Variants in MANBA observed in about 807,000 individuals in gnomAD.
MANBA encodes the protein beta-mannosidase.
MANBA carries 83 observed loss-of-function variants against 111.1 expected under a neutral mutation model. That is an observed-to-expected ratio of 0.75 (90% CI 0.63 to 0.90). The LOEUF (loss-of-function observed/expected upper bound fraction) is 0.90, where lower values mean the gene tolerates loss of function less well. MANBA is among the 40% of genes least tolerant of loss of function. The probability of loss-of-function intolerance (pLI) is 0.00; values close to 1 mark genes in which losing one functional copy is unlikely to be tolerated. For missense variants in MANBA, 1,036 were observed against 1,069.0 expected, an observed-to-expected ratio of 0.97 and a Z score of 0.43; for synonymous variants, 370 against 378.7, an observed-to-expected ratio of 0.98 and a Z score of 0.27.
At chr4:102,644,656 A>G (rs991478249) in intron 13 of MANBA, among the ~76,000 whole-genome samples, 2 of 152,126 alleles carry the variant, frequency 1.3e-5, no homozygotes, top group African/African-American at 4.8e-5. Flanking sequence ...TGAATACAAA[A>G]TTTCAATTAG....
intron 4 of MANBA, 21 bp from the exon 5 acceptor site, chr4:102,714,582 A>G: frequency 6.2e-7 from 1 of 1,602,866 alleles, no homozygotes; most frequent in Non-Finnish European, 8.5e-7. Context: ...AAGGAGAAAA[A>G]GAAGATATAT....
At position 102,631,344 on chromosome 4, in the gene MANBA, T is replaced by C. The variant is rs1354697142; in HGVS notation, c.*713A>G. 1 of 161,166 alleles carries C rather than the reference T, an allele frequency of 6.2e-6. No individual in the cohort carries two copies. The highest frequency in any genetic ancestry group is 1.8e-4 in the East Asian group (1 of 5,670). The allele number at this position is 161,166 out of a possible 1,614,324, so 10.0% of individuals were successfully genotyped here. A position where few individuals can be genotyped will look rare whatever the true frequency, so the allele number is the denominator to read the frequency against. ...CATGACTGTTTCCAGAGAAAACCTT[T>C]CACATGTCTTAGTTTAGATTCTTCA... On this transcript the variant is annotated 3_prime_UTR_variant, in exon 17 of 17. Transcript: ENST00000647097.
intron 10 of MANBA, chr4:102,665,182 AC>A: frequency 3.8e-6 from 1 of 264,208 alleles, no homozygotes; most frequent in South Asian, 4.4e-5. Context: ...CACAAAGAAA[AC>A]TTTCAGGAAA....
intron 2 of MANBA, among the ~76,000 whole-genome samples, chr4:102,725,943 C>A (rs1722776407): frequency 6.6e-6 from 1 of 152,048 alleles, no homozygotes. Flanking sequence ...GGGGGAAAAT[C>A]AATTGGATAT....
chr4:102,737,385 A>G (rs78140487), intron 1 of MANBA, among the ~76,000 whole-genome samples: 2,158 of 152,228 alleles, frequency 0.014, 49 homozygotes, highest in African/African-American at 0.047. Context: ...CTGGATAGGA[A>G]CTGATATAAA....
At chr4:102,633,571 T>G (rs1729482113) in intron 16 of MANBA, 1 of 397,208 alleles carries the variant, frequency 2.5e-6, no homozygotes. Context: ...AAACATTAAC[T>G]AACAGTATTA....
At chr4:102,715,902 C>T (rs1404913354) in intron 4 of MANBA, among the ~76,000 whole-genome samples, 2 of 152,190 alleles carry the variant, frequency 1.3e-5, no homozygotes, top group African/African-American at 4.8e-5. Context: ...ATGCTTACTA[C>T]ATTGAAGCAA....
At chr4:102,632,659 A>G (rs1729444340) in intron 16 of MANBA, among the ~76,000 whole-genome samples, 1 of 152,248 alleles carries the variant, frequency 6.6e-6, no homozygotes, top group Non-Finnish European at 1.5e-5. Flanking sequence ...ACCTAGCTAC[A>G]GAGCCCAACT....
chr4:102,714,498 C>G lies in MANBA; in HGVS notation c.613G>C (p.Val205Leu). 8.7e-6 allele frequency: 14 copies of G among 1,603,940 alleles called. No individual in the cohort carries two copies. Among genetic ancestry groups the G allele is most frequent in the Non-Finnish European group, 1.1e-5 (13 of 1,170,756 alleles). Residue 205 changes from valine to leucine, a missense_variant, in exon 5 of 17, where the codon GTT becomes CTT. Physicochemically the swap from Val to Leu is conservative, Grantham distance 32. Transcript: ENST00000647097. ...SFPTQGIWKDVRIEAYNICHL... is the reference protein window; with the variant it reads ...SFPTQGIWKDLRIEAYNICHL... ...CAAATATTATAGGCTTCAATTCTAA[C>G]ATCTTTCCAGATTCCCTGGGTAGGA...
intron 11 of MANBA, among the ~76,000 whole-genome samples, chr4:102,659,784 C>T (rs1170068748): frequency 1.3e-5 from 2 of 152,160 alleles, no homozygotes; most frequent in Non-Finnish European, 2.9e-5. Flanking sequence ...TATTCCCTCT[C>T]AGGTGTGCAA....
intron 1 of MANBA, among the ~76,000 whole-genome samples, chr4:102,740,883 T>C (rs989906271): frequency 6.6e-6 from 1 of 151,990 alleles, no homozygotes; most frequent in Non-Finnish European, 1.5e-5. Flanking sequence ...CTTCTAGACA[T>C]TGGTTTAGGC....
intron 5 of MANBA, among the ~76,000 whole-genome samples, chr4:102,707,620 G>A (rs1484288491): frequency 6.6e-6 from 1 of 152,096 alleles, no homozygotes; most frequent in Non-Finnish European, 1.5e-5. Flanking sequence ...ACAACCAGAA[G>A]TCAATTAATA....
intron 14 of MANBA, 121 bp downstream of exon 14, chr4:102,639,592 T>C: frequency 7.4e-7 from 1 of 1,346,480 alleles, no homozygotes; most frequent in Non-Finnish European, 1.0e-6. Context: ...TTTTAAAGAA[T>C]GACTCTTTTG....
intron 11 of MANBA, among the ~76,000 whole-genome samples, chr4:102,658,184 T>C (rs1730660065): frequency 6.6e-6 from 1 of 152,200 alleles, no homozygotes; most frequent in South Asian, 2.1e-4. Flanking sequence ...TCATGGGTGG[T>C]GTACAGTCTA....
intron 5 of MANBA, among the ~76,000 whole-genome samples, chr4:102,709,469 C>T (rs910053361): frequency 4.0e-5 from 6 of 151,830 alleles, no homozygotes; most frequent in African/African-American, 1.4e-4. Context: ...TGAACCTGAA[C>T]GACTAATAAT....
At chr4:102,713,267 T>C (rs1722164214) in intron 5 of MANBA, among the ~76,000 whole-genome samples, 1 of 152,238 alleles carries the variant, frequency 6.6e-6, no homozygotes, top group African/African-American at 2.4e-5. Flanking sequence ...CACTGAGCAT[T>C]GCACGCTCTC....
At chr4:102,755,748 A>G (rs918347334) in intron 1 of MANBA, among the ~76,000 whole-genome samples, 1 of 152,244 alleles carries the variant, frequency 6.6e-6, no homozygotes, top group African/African-American at 2.4e-5. Flanking sequence ...TTAATCCACA[A>G]TCTACAAAGA....
At position 102,695,851 on chromosome 4, in the gene MANBA, C is replaced by T. The variant is rs115823515; in HGVS notation, c.674-5080G>A. On this transcript the variant is annotated intron_variant, in intron 5 of 16. Coordinates refer to ENST00000647097, the MANE Select transcript of MANBA (RefSeq NM_005908.4). Reference sequence around the variant, plus strand: ...CTTTCAGAGTCCTAAAGCCAAATGTCGAATATATTCAATGTAAAACAAAGC... The same window carrying T: ...CTTTCAGAGTCCTAAAGCCAAATGTTGAATATATTCAATGTAAAACAAAGC... Among the ~76,000 whole-genome samples, 216 of 152,118 alleles carry T rather than the reference C, an allele frequency of 1.4e-3. 1 individual carries two copies. Among genetic ancestry groups the T allele is most frequent in the African/African-American group, 5.0e-3 (208 of 41,482 alleles).
chr4:102,738,255 A>G (rs1723288005), intron 1 of MANBA, among the ~76,000 whole-genome samples: 1 of 152,258 alleles, frequency 6.6e-6, no homozygotes, highest in African/African-American at 2.4e-5. Context: ...AACCAGAAGT[A>G]CTGAGTCTGT....
Sources: gnomAD v4.1 joint callset for allele counts (sites outside exome capture counted in the v4.1 genomes callset) on GRCh38, gnomAD v4.1.1 for gene constraint, MANE v1.5 for transcripts, NCBI Gene and HGNC (gene_info 2026-07-23, HGNC 2026-07-21) for gene names.